The following LIN9 variants were observed in gnomAD, a reference collection of about 807,000 sequenced individuals.
LIN9 encodes protein lin-9 homolog.
In LIN9, 18 loss-of-function variants were observed where a neutral mutation model predicts 78.0. The ratio of observed to expected loss-of-function variants is 0.23; its 90% CI spans 0.16 to 0.34. The LOEUF is 0.34. Ranked by LOEUF, LIN9 falls within the 10% of genes least tolerant of loss-of-function variation. The pLI is 1.00. For missense variants in LIN9, 451 were observed against 644.1 expected (o/e 0.70, Z 3.25); for synonymous variants, 192 against 215.2 (o/e 0.89, Z 0.94).
intron 11 of LIN9, among the ~76,000 whole-genome samples, chr1:226,244,508 T>C (rs1018473279): frequency 1.3e-5 from 2 of 152,164 alleles, no homozygotes; most frequent in Non-Finnish European, 2.9e-5. Context: ...GGTGAGGCAT[T>C]TGAACCATTA....
At chr1:226,274,390 T>C (rs1576323772) in intron 7 of LIN9, among the ~76,000 whole-genome samples, 1 of 152,228 alleles carries the variant, frequency 6.6e-6, no homozygotes, top group African/African-American at 2.4e-5. Context: ...TTACATAATA[T>C]GCTGTTTTTC....
intron 6 of LIN9, 51 bp downstream of exon 6, chr1:226,286,282 C>G: frequency 6.3e-7 from 1 of 1,577,964 alleles, no homozygotes; most frequent in African/African-American, 1.4e-5. Context: ...AGTACATGCA[C>G]TGCTACTGGC....
chr1:226,303,302 T>C (rs1180386676), intron 1 of LIN9, among the ~76,000 whole-genome samples: 1 of 152,190 alleles, frequency 6.6e-6, no homozygotes, highest in Admixed American at 6.5e-5. Context: ...AAGTCCCTGC[T>C]CTCATGGAAT....
rs575693094 is a variant in LIN9 at position 226,291,092 on chromosome 1, T to C, written c.265-3295A>G. Among the ~76,000 whole-genome samples, 24 of 152,318 alleles carry C rather than the reference T, an allele frequency of 1.6e-4. No homozygotes were observed. The South Asian group carries it at 1.7e-3, about 11-fold the overall frequency. On this transcript the variant is annotated intron_variant, in intron 4 of 14. Coordinates refer to ENST00000681046, the MANE Select transcript of LIN9 (RefSeq NM_001366245.2). ...TTATTCGGAGAGTATTTGGTACTGCTTTAAAAACTTTAAATGTACATAATT... is the reference window on the plus strand; with the variant it reads ...TTATTCGGAGAGTATTTGGTACTGCCTTAAAAACTTTAAATGTACATAATT...
chr1:226,290,820 G>A (rs991445993), intron 4 of LIN9, among the ~76,000 whole-genome samples: 29 of 151,910 alleles, frequency 1.9e-4, no homozygotes, highest in Non-Finnish European at 2.6e-4. Flanking sequence ...ATACTGACAC[G>A]ATCGCGGCTC....
At chr1:226,294,759 A>G (rs373276427) in intron 4 of LIN9, among the ~76,000 whole-genome samples, 2 of 152,030 alleles carry the variant, frequency 1.3e-5, no homozygotes, top group Non-Finnish European at 2.9e-5. Flanking sequence ...CTTAAAGTTA[A>G]TATTTCCCTA....
chr1:226,283,087 C>T (rs867679828), intron 6 of LIN9, among the ~76,000 whole-genome samples: 1 of 151,936 alleles, frequency 6.6e-6, no homozygotes, highest in South Asian at 2.1e-4. Flanking sequence ...TTGTGAGTAG[C>T]TAGGATCACA....
Position 226,309,118 on chromosome 1 carries a change from G to C in LIN9, c.22C>G (p.Pro8Ala). The part of the protein sequence containing the change: MAELDQL[P>A]DESSSAKALV... ...TTGAGGTGCTACTCACTCTCGTCAG[G>C]CAACTGGTCGAGCTCCGCCATCTTG... Residue 8 changes from proline (P) to alanine (A), a missense_variant, in exon 1 of 15, where the codon CCT becomes GCT. Coordinates refer to ENST00000681046, the MANE Select transcript of LIN9 (RefSeq NM_001366245.2). 7.5e-7 allele frequency: 1 copy of C among 1,339,710 alleles called. No individual in the cohort carries two copies. Among genetic ancestry groups the C allele is most frequent in the Non-Finnish European group, 9.7e-7 (1 of 1,033,176 alleles). The allele number at this position is 1,339,710 out of a possible 1,614,324, so 83.0% of individuals were successfully genotyped here. A position where few individuals can be genotyped will look rare whatever the true frequency, so the allele number is the denominator to read the frequency against.
intron 7 of LIN9, among the ~76,000 whole-genome samples, chr1:226,273,678 T>A (rs1296610610): frequency 6.6e-6 from 1 of 152,126 alleles, no homozygotes. Flanking sequence ...TTGTCAGACA[T>A]GCAAATTCCC....
At chr1:226,254,496 AAT>A (rs1659060547) in intron 10 of LIN9, among the ~76,000 whole-genome samples, 1 of 152,152 alleles carries the variant, frequency 6.6e-6, no homozygotes, top group Admixed American at 6.5e-5. Flanking sequence ...ATAGATTATA[AAT>A]TTTAAATTAA....
chr1:226,249,028 C>T (rs945037059), intron 11 of LIN9, among the ~76,000 whole-genome samples: 2 of 152,144 alleles, frequency 1.3e-5, no homozygotes, highest in Admixed American at 6.5e-5. Flanking sequence ...CAAAATAGGT[C>T]TCTATTTGAA....
At chr1:226,286,287 AC>A in intron 6 of LIN9, 45 bp downstream of exon 6, 1 of 1,585,234 alleles carries the variant, frequency 6.3e-7, no homozygotes, top group Non-Finnish European at 8.6e-7. Context: ...ATGCACTGCT[AC>A]TGGCTTGATT....
Position 226,309,095 on chromosome 1 carries a change from G to T in LIN9, c.31+14C>A, listed in dbSNP as rs550466095. ...AGGCGGGAAAAGGGGGGGGTGCTTTGAGGTGCTACTCACTCTCGTCAGGCA... is the reference window on the plus strand; with the variant it reads ...AGGCGGGAAAAGGGGGGGGTGCTTTTAGGTGCTACTCACTCTCGTCAGGCA... On this transcript the variant is annotated intron_variant, in intron 1 of 14. Coordinates refer to ENST00000681046, the MANE Select transcript of LIN9 (RefSeq NM_001366245.2). 1 of 1,313,274 alleles carries T rather than the reference G, an allele frequency of 7.6e-7. No homozygotes were observed. Among genetic ancestry groups the T allele is most frequent in the Non-Finnish European group, 9.8e-7 (1 of 1,021,508 alleles). 81.4% of individuals were successfully genotyped at this position (1,313,274 alleles called of 1,614,324 possible).
intron 6 of LIN9, among the ~76,000 whole-genome samples, chr1:226,282,960 G>T (rs1391608539): frequency 6.6e-6 from 1 of 152,040 alleles, no homozygotes; most frequent in East Asian, 1.9e-4. Context: ...ACCTGTTGTT[G>T]TTCTTGCTTT....
At chr1:226,256,264 C>T (rs1329624778) in intron 10 of LIN9, among the ~76,000 whole-genome samples, 1 of 151,878 alleles carries the variant, frequency 6.6e-6, no homozygotes, top group East Asian at 1.9e-4. Context: ...AAACACTTTA[C>T]CGATAGAGGA....
At chr1:226,281,136 A>C (rs1455301215) in intron 6 of LIN9, among the ~76,000 whole-genome samples, 2 of 152,228 alleles carry the variant, frequency 1.3e-5, no homozygotes, top group Admixed American at 1.3e-4. Context: ...TGATATTGGA[A>C]GTCATTATGC....
intron 10 of LIN9, among the ~76,000 whole-genome samples, chr1:226,260,514 G>GA (rs896045599): frequency 7.0e-6 from 1 of 142,644 alleles, no homozygotes; most frequent in Admixed American, 7.1e-5. Context: ...AACATGAAAA[G>GA]AAAAAAACTA....
At chr1:226,297,640 T>C (rs780147467) in intron 3 of LIN9, 79 bp downstream of exon 3, 31 of 970,720 alleles carry the variant, frequency 3.2e-5, no homozygotes, top group Non-Finnish European at 4.5e-5. Context: ...TTTACTGTGC[T>C]GCAAGAATTT....
intron 4 of LIN9, among the ~76,000 whole-genome samples, chr1:226,295,258 T>C (rs1438674242): frequency 6.6e-6 from 1 of 150,584 alleles, no homozygotes; most frequent in African/African-American, 2.4e-5. Context: ...AAGACCAGCC[T>C]GGCCAACATG....
Sources: gnomAD v4.1 joint callset for allele counts (sites outside exome capture counted in the v4.1 genomes callset) on GRCh38, gnomAD v4.1.1 for gene constraint, MANE v1.5 for transcripts, NCBI Gene and HGNC (gene_info 2026-07-23, HGNC 2026-07-21) for gene names.